Variants in GPD2 observed in about 807,000 individuals in gnomAD.
GPD2 encodes glycerol-3-phosphate dehydrogenase 2, also known as glycerol-3-phosphate dehydrogenase, mitochondrial.
GPD2 carries 54 observed loss-of-function variants against 82.4 expected under a neutral mutation model. That is an observed-to-expected ratio of 0.66 (90% CI 0.53 to 0.82). The LOEUF is 0.82. Among genes scored for constraint, GPD2 ranks in the 40% least tolerant of loss-of-function variants. GPD2 has a pLI of 0.00. For synonymous variants in GPD2, 288 were observed against 306.1 expected, an observed-to-expected ratio of 0.94 and a Z score of 0.62; for missense variants, 748 against 896.2, an observed-to-expected ratio of 0.83 and a Z score of 2.11.
At chr2:156,452,553 C>A in intron 1 of GPD2, among the ~76,000 whole-genome samples, 1 of 151,822 alleles carries the variant, frequency 6.6e-6, no homozygotes, top group African/African-American at 2.4e-5. Context: ...GAGAGGGAGA[C>A]CGTGGGGAGA....
At chr2:156,418,252 G>A in the GPD2 span, among the ~76,000 whole-genome samples, 2 of 151,626 alleles carry the variant, frequency 1.3e-5, no homozygotes, top group African/African-American at 2.4e-5. Flanking sequence ...AAATTAGCCG[G>A]ACGTGGTGGT....
At chr2:156,510,402 C>T (rs997481905) in intron 3 of GPD2, among the ~76,000 whole-genome samples, 15 of 152,206 alleles carry the variant, frequency 9.9e-5, no homozygotes, top group African/African-American at 3.1e-4. Context: ...GGGGCTGCGA[C>T]AGGTCTGGAC....
intron 6 of GPD2, among the ~76,000 whole-genome samples, chr2:156,529,849 G>A (rs1685776045): frequency 6.6e-6 from 1 of 152,086 alleles, no homozygotes; most frequent in Non-Finnish European, 1.5e-5. Context: ...TAGCCTTGTA[G>A]TATAGTTTGA....
intron 1 of GPD2, among the ~76,000 whole-genome samples, chr2:156,448,388 AG>A (rs1682443669): frequency 6.6e-6 from 1 of 152,244 alleles, no homozygotes; most frequent in African/African-American, 2.4e-5. Context: ...ATGGGATTAC[AG>A]GCGTGAGCCA....
chr2:156,535,430 G>A (rs576793418), intron 6 of GPD2, among the ~76,000 whole-genome samples: 1 of 72,606 alleles, frequency 1.4e-5, no homozygotes, highest in Non-Finnish European at 3.2e-5. Flanking sequence ...GAAAGAGAGG[G>A]GGGTGGGGAG....
At chr2:156,403,246 C>G in the GPD2 span, among the ~76,000 whole-genome samples, 2 of 152,088 alleles carry the variant, frequency 1.3e-5, no homozygotes, top group African/African-American at 4.8e-5. Flanking sequence ...TTTACCTAGC[C>G]CAAGGAACAA....
intron 2 of GPD2, among the ~76,000 whole-genome samples, chr2:156,492,076 A>G (rs1341495560): frequency 6.8e-6 from 1 of 146,248 alleles, no homozygotes; most frequent in Non-Finnish European, 1.5e-5. Flanking sequence ...ATAATTTTGC[A>G]TTTCTGTAAG....
At chr2:156,541,279 A>G (rs1267104137) in intron 6 of GPD2, among the ~76,000 whole-genome samples, 3 of 152,240 alleles carry the variant, frequency 2.0e-5, no homozygotes, top group Admixed American at 1.3e-4. Context: ...AAAATAAGGT[A>G]TGTGTAGAAT....
At position 156,579,686 on chromosome 2, in the gene GPD2, T is replaced by A; in HGVS notation, c.1960-4T>A. 1 of 1,266,968 alleles carries A rather than the reference T, an allele frequency of 7.9e-7. No homozygotes were observed. Among genetic ancestry groups the A allele is most frequent in the Non-Finnish European group, 1.2e-6 (1 of 862,970 alleles). 78.5% of individuals were successfully genotyped at this position (1,266,968 alleles called of 1,614,324 possible). A position where few individuals can be genotyped will look rare whatever the true frequency, so the allele number is the denominator to read the frequency against. ...GTATTATTCTATGCTTTTCTTTTAC[T>A]TAGAGTATCAATGTCCAAATGGATG... On this transcript the variant is annotated splice_region_variant and splice_polypyrimidine_tract_variant and intron_variant, in intron 15 of 16. Coordinates refer to ENST00000438166, the MANE Select transcript of GPD2 (RefSeq NM_000408.5).
the GPD2 span, among the ~76,000 whole-genome samples, chr2:156,421,757 T>C: frequency 6.6e-6 from 1 of 152,244 alleles, no homozygotes; most frequent in Admixed American, 6.5e-5. Flanking sequence ...TTCTTTCTGC[T>C]TCTCTTCTGC....
At chr2:156,403,128 A>AAAAAAAC in the GPD2 span, among the ~76,000 whole-genome samples, 1 of 151,502 alleles carries the variant, frequency 6.6e-6, no homozygotes, top group Non-Finnish European at 1.5e-5. Flanking sequence ...AAAAAAAAAA[A>AAAAAAAC]AAAAAATCTC....
At chr2:156,408,027 T>C in the GPD2 span, among the ~76,000 whole-genome samples, 2 of 139,290 alleles carry the variant, frequency 1.4e-5, no homozygotes, top group Admixed American at 8.1e-5. Context: ...CAATCACGGC[T>C]CACTGTTGCC....
chr2:156,583,313 G>A lies in GPD2; in HGVS notation c.*395G>A. The stretch of plus-strand genomic sequence containing the variant: ...TGTGACATGCATACAGATAGCATGT[G>A]TTATTAAAAAGAGTTGCCTATTGAA... On this transcript the variant is annotated 3_prime_UTR_variant, in exon 17 of 17. Coordinates refer to ENST00000438166, the MANE Select transcript of GPD2 (RefSeq NM_000408.5). 1 of 249,768 alleles carries A rather than the reference G, an allele frequency of 4.0e-6. No individual in the cohort carries two copies. The allele number at this position is 249,768 out of a possible 1,614,324, so 15.5% of individuals were successfully genotyped here.
At chr2:156,495,980 A>T (rs1684356943) in intron 2 of GPD2, 64 bp from the exon 3 acceptor site, 2 of 1,194,280 alleles carry the variant, frequency 1.7e-6, no homozygotes, top group Non-Finnish European at 2.5e-6. Flanking sequence ...CTTTTAGTAT[A>T]TTGTAAAATT....
At chr2:156,451,691 G>T (rs1175750698) in intron 1 of GPD2, among the ~76,000 whole-genome samples, 4 of 142,400 alleles carry the variant, frequency 2.8e-5, no homozygotes, top group Admixed American at 1.4e-4. Flanking sequence ...GGCAGGGCGG[G>T]GGGCTGACCC....
intron 3 of GPD2, among the ~76,000 whole-genome samples, chr2:156,499,003 G>A (rs1432824098): frequency 1.3e-5 from 2 of 152,070 alleles, no homozygotes; most frequent in African/African-American, 2.4e-5. Flanking sequence ...GAAAATACAA[G>A]GAAAGAGATA....
chr2:156,550,724 A>G lies in GPD2; in HGVS notation c.949A>G (p.Ile317Val). The change falls in exon 8 of 17, where the codon ATT becomes GTT. Residue 317 changes from isoleucine (I) to valine (V), a missense_variant. Physicochemically the swap from Ile to Val is conservative, Grantham distance 29 (BLOSUM62 3). Coordinates refer to ENST00000438166, the MANE Select transcript of GPD2 (RefSeq NM_000408.5). ...CTGCCAGCCAAGTGCTGGTGTCCAT[A>G]TTGTGATGCCTGGTTATTACAGGTA... is the stretch of plus-strand genomic sequence containing the variant. ...AICQPSAGVH[I>V]VMPGYYSPES... is the part of the protein sequence containing the mutation. The G allele has an allele frequency of 3.7e-6, 6 of 1,613,824 alleles. No homozygotes were observed. Among genetic ancestry groups the G allele is most frequent in the Non-Finnish European group, 5.1e-6 (6 of 1,179,790 alleles).
intron 6 of GPD2, among the ~76,000 whole-genome samples, chr2:156,531,868 G>T (rs149411438): frequency 6.6e-6 from 1 of 152,110 alleles, no homozygotes; most frequent in Non-Finnish European, 1.5e-5. Context: ...AGCCCACTTG[G>T]TCCTTTAATA....
At chr2:156,529,947 T>G (rs1215742571) in intron 6 of GPD2, among the ~76,000 whole-genome samples, 1 of 152,150 alleles carries the variant, frequency 6.6e-6, no homozygotes, top group African/African-American at 2.4e-5. Flanking sequence ...CATATGAACT[T>G]TAAAGTACTA....
Sources: gnomAD v4.1 joint callset for allele counts (sites outside exome capture counted in the v4.1 genomes callset) on GRCh38, gnomAD v4.1.1 for gene constraint, MANE v1.5 for transcripts, NCBI Gene and HGNC (gene_info 2026-07-23, HGNC 2026-07-21) for gene names.